The following ZNF385D variants were observed in gnomAD, a reference collection of about 807,000 sequenced individuals.
ZNF385D encodes zinc finger protein 385D, also known as zinc finger protein 659.
In ZNF385D, 15 loss-of-function variants were observed where a neutral mutation model predicts 35.8. That is an observed-to-expected ratio of 0.42 (90% CI 0.28 to 0.64). ZNF385D has a LOEUF of 0.64. ZNF385D is among the 30% of genes least tolerant of loss of function. ZNF385D has a pLI of 0.23. For missense variants in ZNF385D, 474 were observed against 494.6 expected (o/e 0.96, Z 0.39); for synonymous variants, 212 against 186.8 (o/e 1.13, Z -1.10).
At chr3:22,037,883 T>C (rs1042408807) in intron 3 of ZNF385D, among the ~76,000 whole-genome samples, 7 of 152,138 alleles carry the variant, frequency 4.6e-5, no homozygotes, top group East Asian at 1.9e-4. Context: ...AACAGAGATA[T>C]AGACCAATGG....
At chr3:22,204,147 C>G (rs1042424288) in intron 2 of ZNF385D, among the ~76,000 whole-genome samples, 5 of 152,032 alleles carry the variant, frequency 3.3e-5, no homozygotes, top group African/African-American at 1.2e-4. Flanking sequence ...AGAGAGGAGA[C>G]TCTGTTTCCT....
At chr3:21,739,539 G>A (rs1183890897) in intron 1 of ZNF385D, among the ~76,000 whole-genome samples, 1 of 152,154 alleles carries the variant, frequency 6.6e-6, no homozygotes, top group Non-Finnish European at 1.5e-5. Flanking sequence ...AGATCAGAAT[G>A]TCCCAAGGTG....
At chr3:21,485,079 T>C (rs939809523) in intron 4 of ZNF385D, among the ~76,000 whole-genome samples, 39 of 152,166 alleles carry the variant, frequency 2.6e-4, no homozygotes, top group African/African-American at 8.4e-4. Context: ...TTTATATTCA[T>C]AATTAATGCA....
intron 3 of ZNF385D, among the ~76,000 whole-genome samples, chr3:22,071,026 T>A (rs1044088695): frequency 1.3e-5 from 2 of 152,072 alleles, no homozygotes; most frequent in African/African-American, 4.8e-5. Flanking sequence ...GCCAAATCTA[T>A]GAAAAGAATA....
chr3:22,149,536 A>G (rs1407531763), intron 3 of ZNF385D, among the ~76,000 whole-genome samples: 2 of 152,194 alleles, frequency 1.3e-5, no homozygotes, highest in Non-Finnish European at 2.9e-5. Flanking sequence ...TATTTGGGGT[A>G]GGCCCCAATA....
In ZNF385D at chr3:21,723,913, AC is replaced by A. The variant is rs1331747606; in HGVS notation, c.22+26981del. On this transcript the variant is annotated intron_variant, in intron 1 of 7. Transcript: ENST00000281523. ...GGCAGCCAGAGAGAAAGGTCAGGTT[AC>A]CCACAAAGGGAAGCCCATCAGATTA... Among the ~76,000 whole-genome samples the A allele has an allele frequency of 2.6e-5, 4 of 152,174 alleles. No homozygotes were observed. The East Asian group carries it at 5.8e-4, about 22-fold the overall frequency.
chr3:21,810,501 A>G (rs947918340), intron 3 of ZNF385D, among the ~76,000 whole-genome samples: 10 of 152,076 alleles, frequency 6.6e-5, no homozygotes, highest in Admixed American at 2.0e-4. Flanking sequence ...GTGCACATGT[A>G]CCCTAGAACT....
intron 3 of ZNF385D, among the ~76,000 whole-genome samples, chr3:21,965,096 G>T (rs1468311904): frequency 6.6e-6 from 1 of 152,168 alleles, no homozygotes; most frequent in Admixed American, 6.5e-5. Context: ...TTTAGAGACT[G>T]AACACAGTAT....
At chr3:21,946,388 A>G (rs1326611862) in intron 3 of ZNF385D, among the ~76,000 whole-genome samples, 2 of 152,222 alleles carry the variant, frequency 1.3e-5, no homozygotes, top group Non-Finnish European at 2.9e-5. Context: ...GGAGTCACCC[A>G]TTAGTTTGTA....
In ZNF385D at chr3:21,412,428, T is replaced by G. The variant is rs1700505198; in HGVS notation, c.*8786A>C. Reference sequence around the variant, plus strand: ...AATACATAATTTGTTCTAATATTCCTCTTCCTTAGAGCCTTCAAACTTAAA... The same window carrying G: ...AATACATAATTTGTTCTAATATTCCGCTTCCTTAGAGCCTTCAAACTTAAA... On this transcript the variant is annotated 3_prime_UTR_variant, in exon 8 of 8. Transcript: ENST00000281523. 1 of 151,916 alleles carries G rather than the reference T, an allele frequency of 6.6e-6. No homozygotes were observed. Among genetic ancestry groups the G allele is most frequent in the Admixed American group, 6.6e-5 (1 of 15,240 alleles). The allele number at this position is 151,916 out of a possible 1,614,324, so 9.4% of individuals were successfully genotyped here.
intron 3 of ZNF385D, among the ~76,000 whole-genome samples, chr3:21,973,901 TATTGATGTAAGAA>T (rs1234276622): frequency 6.6e-6 from 1 of 151,814 alleles, no homozygotes; most frequent in African/African-American, 2.4e-5. Context: ...AACTATAAAA[TATTGATGTAAGAA>T]ATTGAAGAGG....
At chr3:22,306,879 C>G (rs1703254597) in intron 2 of ZNF385D, among the ~76,000 whole-genome samples, 1 of 152,092 alleles carries the variant, frequency 6.6e-6, no homozygotes, top group African/African-American at 2.4e-5. Context: ...CCCCTGTACT[C>G]AAGACAGCTG....
At chr3:22,201,087 T>G (rs1696761407) in intron 2 of ZNF385D, among the ~76,000 whole-genome samples, 1 of 152,116 alleles carries the variant, frequency 6.6e-6, no homozygotes. Flanking sequence ...GCATAGGAAA[T>G]CACAAGGGTA....
At chr3:22,083,634 T>C (rs1404948991) in intron 3 of ZNF385D, among the ~76,000 whole-genome samples, 3 of 152,054 alleles carry the variant, frequency 2.0e-5, no homozygotes, top group Non-Finnish European at 4.4e-5. Flanking sequence ...ATGGGGAGAA[T>C]GGAACCAAGT....
intron 4 of ZNF385D, among the ~76,000 whole-genome samples, chr3:21,500,201 T>A (rs569078742): frequency 6.6e-6 from 1 of 152,332 alleles, no homozygotes; most frequent in South Asian, 2.1e-4. Context: ...AAAGTTCAAT[T>A]AGTAAAACTT....
intron 2 of ZNF385D, among the ~76,000 whole-genome samples, chr3:22,338,432 G>T (rs1431692402): frequency 6.6e-6 from 1 of 152,110 alleles, no homozygotes; most frequent in East Asian, 1.9e-4. Flanking sequence ...GACCTATGTA[G>T]CTGTAGATTG....
At chr3:22,112,232 A>G (rs1256974021) in intron 3 of ZNF385D, among the ~76,000 whole-genome samples, 1 of 152,146 alleles carries the variant, frequency 6.6e-6, no homozygotes, top group African/African-American at 2.4e-5. Flanking sequence ...CTGCGTATTT[A>G]AACCTCTCCT....
At chr3:22,038,108 A>G (rs1282675811) in intron 3 of ZNF385D, among the ~76,000 whole-genome samples, 2 of 152,206 alleles carry the variant, frequency 1.3e-5, no homozygotes. Context: ...AATGTTAGGC[A>G]CATGAAATTG....
At chr3:22,011,957 CTTCT>C (rs1401744007) in intron 3 of ZNF385D, among the ~76,000 whole-genome samples, 1 of 152,088 alleles carries the variant, frequency 6.6e-6, no homozygotes, top group Non-Finnish European at 1.5e-5. Flanking sequence ...TCTTCCCTCC[CTTCT>C]TTTCTTCTTT....
Sources: allele counts gnomAD v4.1 joint callset (sites outside exome capture counted in the v4.1 genomes callset), GRCh38; gene constraint gnomAD v4.1.1; transcripts MANE v1.5; gene names NCBI Gene and HGNC (gene_info 2026-07-23, HGNC 2026-07-21).